PLPP4: variants seen among roughly 807,000 people sequenced by gnomAD.
PLPP4 encodes diacylglycerol pyrophosphate like 2.
A neutral mutation model predicts 32.2 loss-of-function variants in PLPP4; 20 were observed. The ratio of observed to expected loss-of-function variants is 0.62; its 90% CI spans 0.44 to 0.90. PLPP4 has a LOEUF of 0.90. PLPP4 is among the 40% of genes least tolerant of loss of function. The pLI, the probability that PLPP4 is intolerant of heterozygous loss-of-function variation, is 0.00. For synonymous variants in PLPP4, 127 were observed against 133.0 expected, an observed-to-expected ratio of 0.95 and a Z score of 0.31; for missense variants, 257 against 353.1, an observed-to-expected ratio of 0.73 and a Z score of 2.18.
intron 1 of PLPP4, among the ~76,000 whole-genome samples, chr10:120,488,707 G>A (rs551526318): frequency 6.6e-6 from 1 of 152,292 alleles, no homozygotes; most frequent in East Asian, 1.9e-4. Context: ...CAGGCTCTGG[G>A]TCCTCCCACC....
chr10:120,558,824 G>A (rs894887326), intron 5 of PLPP4, among the ~76,000 whole-genome samples: 1 of 152,080 alleles, frequency 6.6e-6, no homozygotes, highest in Non-Finnish European at 1.5e-5. Flanking sequence ...CTCTAGTATG[G>A]ACCTATTATA....
At chr10:120,510,798 G>A (rs1845695727) in intron 2 of PLPP4, among the ~76,000 whole-genome samples, 2 of 152,294 alleles carry the variant, frequency 1.3e-5, no homozygotes, top group African/African-American at 2.4e-5. Flanking sequence ...AATGATACAT[G>A]TAACTATGTC....
intron 1 of PLPP4, among the ~76,000 whole-genome samples, chr10:120,474,553 T>C (rs1383831888): frequency 6.6e-6 from 1 of 152,204 alleles, no homozygotes; most frequent in Non-Finnish European, 1.5e-5. Context: ...TCATTCATTC[T>C]TGTGGACCAA....
chr10:120,528,241 A>AT lies in PLPP4; in HGVS notation c.445+7152dup, dbSNP rs548591737. On this transcript the variant is annotated intron_variant, in intron 5 of 6. Coordinates refer to ENST00000398250, the MANE Select transcript of PLPP4 (RefSeq NM_001030059.3). The stretch of plus-strand genomic sequence containing the variant: ...AGGCGCCTGCCACCATGCTCGGCTA[A>AT]TTTTTTGTATTTTTAGTAGAGACGG... Among the ~76,000 whole-genome samples the AT allele has an allele frequency of 2.1e-3, 321 of 151,896 alleles. 1 individual carries two copies. The highest frequency in any genetic ancestry group is 7.2e-3 in the African/African-American group (300 of 41,398).
At chr10:120,491,682 C>A (rs1844730934) in intron 1 of PLPP4, among the ~76,000 whole-genome samples, 1 of 152,060 alleles carries the variant, frequency 6.6e-6, no homozygotes, top group Non-Finnish European at 1.5e-5. Flanking sequence ...TTTTTAAATA[C>A]CCTCCACCAA....
intron 5 of PLPP4, among the ~76,000 whole-genome samples, chr10:120,568,535 A>G (rs1277730593): frequency 6.6e-6 from 1 of 152,150 alleles, no homozygotes; most frequent in Non-Finnish European, 1.5e-5. Flanking sequence ...GGTTTCTTAA[A>G]TGTGCATTAC....
rs1441774910 is a variant in PLPP4, at chr10:120,464,028, C to T, written c.56+6667C>T. The stretch of plus-strand genomic sequence containing the variant: ...CTACATTGCCTATGCTGGTCTTGAA[C>T]TGCTGGGCTCACAAGATCCTCCCAC... On this transcript the variant is annotated intron_variant, in intron 1 of 6. Coordinates refer to ENST00000398250, the MANE Select transcript of PLPP4 (RefSeq NM_001030059.3). Among the ~76,000 whole-genome samples, 10 of 152,270 alleles carry T rather than the reference C, an allele frequency of 6.6e-5. No homozygotes were observed. In the South Asian group the frequency reaches 8.3e-4, roughly 13 times the overall value.
intron 5 of PLPP4, among the ~76,000 whole-genome samples, chr10:120,570,371 G>T (rs1848878172): frequency 6.6e-6 from 1 of 152,118 alleles, no homozygotes; most frequent in Admixed American, 6.5e-5. Flanking sequence ...CCTCAGAGAA[G>T]ATCATACCAA....
chr10:120,463,645 T>C (rs890881397), intron 1 of PLPP4, among the ~76,000 whole-genome samples: 9 of 152,200 alleles, frequency 5.9e-5, no homozygotes, highest in African/African-American at 2.2e-4. Context: ...TGGTTACAAC[T>C]GTGGCCTTTG....
chr10:120,580,813 C>T, intron 6 of PLPP4: 1 of 1,161,276 alleles, frequency 8.6e-7, no homozygotes, highest in Non-Finnish European at 1.1e-6. Flanking sequence ...AACCTGCCAG[C>T]CCTGGGTAGA....
At chr10:120,566,834 C>T (rs1462361303) in intron 5 of PLPP4, among the ~76,000 whole-genome samples, 1 of 152,206 alleles carries the variant, frequency 6.6e-6, no homozygotes, top group South Asian at 2.1e-4. Context: ...GGATTACAGG[C>T]GTGAGCCACG....
chr10:120,578,609 A>T (rs1402020998), intron 6 of PLPP4, among the ~76,000 whole-genome samples: 1 of 152,166 alleles, frequency 6.6e-6, no homozygotes, highest in Non-Finnish European at 1.5e-5. Flanking sequence ...TCTCTCCATT[A>T]TCATGGTTAT....
rs536283977 is a variant in PLPP4, at chr10:120,555,263, C to T, written c.446-19868C>T. 9.9e-5 allele frequency among the ~76,000 whole-genome samples: 15 copies of T among 152,250 alleles called. No individual in the cohort carries two copies. In the South Asian group the frequency reaches 2.7e-3, roughly 27 times the overall value. On this transcript the variant is annotated intron_variant, in intron 5 of 6. Coordinates refer to ENST00000398250, the MANE Select transcript of PLPP4 (RefSeq NM_001030059.3). Reference sequence around the variant, plus strand: ...TCCCAAAGCTAGACTGAAAAAAGATCGTGTTTGTCCTATGGTTGGTCTGCA... The same window carrying T: ...TCCCAAAGCTAGACTGAAAAAAGATTGTGTTTGTCCTATGGTTGGTCTGCA...
intron 6 of PLPP4, among the ~76,000 whole-genome samples, chr10:120,585,887 CCTGATGG>C (rs1849729622): frequency 6.6e-6 from 1 of 152,142 alleles, no homozygotes; most frequent in Non-Finnish European, 1.5e-5. Flanking sequence ...CCCCCGCTAC[CCTGATGG>C]CTGCTCACCA....
chr10:120,525,710 A>G (rs772655561), intron 5 of PLPP4, among the ~76,000 whole-genome samples: 3 of 152,212 alleles, frequency 2.0e-5, no homozygotes, highest in Non-Finnish European at 4.4e-5. Context: ...TGAGATGTTT[A>G]CTATTCTTTA....
At chr10:120,508,733 G>A (rs929963836) in intron 2 of PLPP4, among the ~76,000 whole-genome samples, 1 of 152,134 alleles carries the variant, frequency 6.6e-6, no homozygotes, top group Admixed American at 6.5e-5. Flanking sequence ...TATGGTCAGG[G>A]TGCCTGGGAG....
At chr10:120,489,742 T>A (rs917134191) in intron 1 of PLPP4, among the ~76,000 whole-genome samples, 3 of 150,250 alleles carry the variant, frequency 2.0e-5, no homozygotes, top group African/African-American at 7.3e-5. Context: ...GAGTTACATT[T>A]AAAAAAAAAA....
intron 5 of PLPP4, among the ~76,000 whole-genome samples, chr10:120,553,957 A>G (rs1439246528): frequency 2.6e-5 from 4 of 152,198 alleles, no homozygotes; most frequent in Admixed American, 1.3e-4. Context: ...CTTGGCTATT[A>G]ACATTCAGCT....
At chr10:120,522,945 G>C (rs1382163196) in intron 5 of PLPP4, among the ~76,000 whole-genome samples, 1 of 152,236 alleles carries the variant, frequency 6.6e-6, no homozygotes, top group African/African-American at 2.4e-5. Context: ...TTCAGATCTG[G>C]AGATGAGATC....
Sources: gnomAD v4.1 joint callset for allele counts (sites outside exome capture counted in the v4.1 genomes callset) on GRCh38, gnomAD v4.1.1 for gene constraint, MANE v1.5 for transcripts, NCBI Gene and HGNC (gene_info 2026-07-23, HGNC 2026-07-21) for gene names.